Variants in TSNARE1 observed in about 807,000 individuals in gnomAD.
TSNARE1 encodes t-SNARE domain containing 1.
TSNARE1 carries 49 observed loss-of-function variants against 62.0 expected under a neutral mutation model. The observed-to-expected ratio is 0.79, with a 90% CI of 0.63 to 1.00. TSNARE1 has a LOEUF of 1.00. TSNARE1 is among the 50% of genes least tolerant of loss of function. TSNARE1 has a pLI of 0.00. For missense variants in TSNARE1, 755 were observed against 700.1 expected (o/e 1.08, Z -0.88); for synonymous variants, 328 against 294.4 (o/e 1.11, Z -1.17).
intron 6 of TSNARE1, among the ~76,000 whole-genome samples, chr8:142,330,198 G>T (rs1830813450): frequency 6.6e-6 from 1 of 152,220 alleles, no homozygotes; most frequent in African/African-American, 2.4e-5. Context: ...TGCAGTGGGG[G>T]CCAGCTGGAG....
intron 12 of TSNARE1, chr8:142,270,620 C>T (rs1446362475): frequency 8.1e-6 from 8 of 985,194 alleles, no homozygotes; most frequent in East Asian, 2.3e-4. Context: ...TGCATGCCCA[C>T]CAAAGGGACA....
chr8:142,324,644 G>C (rs1229241084), intron 6 of TSNARE1, among the ~76,000 whole-genome samples: 6 of 152,246 alleles, frequency 3.9e-5, no homozygotes, highest in Non-Finnish European at 4.4e-5. Context: ...GTGTTTTACA[G>C]ACGAAGACAC....
intron 2 of TSNARE1, among the ~76,000 whole-genome samples, chr8:142,351,940 T>C (rs1041475076): frequency 6.6e-6 from 1 of 152,244 alleles, no homozygotes; most frequent in African/African-American, 2.4e-5. Flanking sequence ...ATTACAGTCT[T>C]AAATATGAAA....
intron 2 of TSNARE1, among the ~76,000 whole-genome samples, chr8:142,349,297 A>C (rs1263459378): frequency 6.6e-6 from 1 of 152,268 alleles, no homozygotes; most frequent in East Asian, 1.9e-4. Flanking sequence ...TGGAAAGTTA[A>C]AGATATTTAG....
At chr8:142,391,176 G>A (rs558874776) in intron 1 of TSNARE1, among the ~76,000 whole-genome samples, 2 of 137,248 alleles carry the variant, frequency 1.5e-5, no homozygotes, top group Admixed American at 7.4e-5. Context: ...TGTAACAGAC[G>A]CTGTACACTG....
At chr8:142,267,581 T>C (rs969121227) in intron 12 of TSNARE1, among the ~76,000 whole-genome samples, 4 of 152,178 alleles carry the variant, frequency 2.6e-5, no homozygotes, top group African/African-American at 9.7e-5. Flanking sequence ...AATACCACCC[T>C]GGGCTCTCAG....
At chr8:142,236,087 G>T (rs1817404950) in intron 12 of TSNARE1, among the ~76,000 whole-genome samples, 1 of 152,216 alleles carries the variant, frequency 6.6e-6, no homozygotes, top group African/African-American at 2.4e-5. Context: ...TCACCGCGTG[G>T]CCATGAGGCT....
chr8:142,398,928 C>G (rs1199977087), intron 1 of TSNARE1, among the ~76,000 whole-genome samples: 2 of 152,206 alleles, frequency 1.3e-5, no homozygotes, highest in Non-Finnish European at 2.9e-5. Context: ...CCACCTTCAC[C>G]CCCATCCCAG....
chr8:142,260,697 G>A (rs1406681038), intron 12 of TSNARE1, among the ~76,000 whole-genome samples: 6 of 151,848 alleles, frequency 4.0e-5, no homozygotes, highest in South Asian at 2.1e-4. Flanking sequence ...AGATCCTGAC[G>A]CCCCAGCCTC....
Position 142,330,976 on chromosome 8 carries a change from CGA to C in TSNARE1, c.824-8_824-7del. 1.9e-6 allele frequency: 3 copies of C among 1,613,816 alleles called. No homozygotes were observed. The highest frequency in any genetic ancestry group is 2.5e-6 in the Non-Finnish European group (3 of 1,179,872). ...GCTCCGCTCCAAGGAGGTCACTGCCCGAGAGAAGAGGGACAGGGTGAGGGCAG... is the reference window on the plus strand; with the variant it reads ...GCTCCGCTCCAAGGAGGTCACTGCCCGAGAAGAGGGACAGGGTGAGGGCAG... On this transcript the variant is annotated splice_polypyrimidine_tract_variant and splice_region_variant and intron_variant, in intron 5 of 13. Coordinates refer to ENST00000524325, the MANE Select transcript of TSNARE1 (RefSeq NM_145003.5).
chr8:142,400,888 G>A (rs1838239861), intron 1 of TSNARE1, among the ~76,000 whole-genome samples: 1 of 152,222 alleles, frequency 6.6e-6, no homozygotes, highest in African/African-American at 2.4e-5. Context: ...CTCCCAGGGT[G>A]ACTGTGAGAG....
intron 12 of TSNARE1, among the ~76,000 whole-genome samples, chr8:142,242,359 G>T (rs183311218): frequency 9.2e-5 from 14 of 152,362 alleles, no homozygotes; most frequent in African/African-American, 3.1e-4. Flanking sequence ...TCTTGGTAAA[G>T]ATTTGTTAGA....
chr8:142,363,846 C>A (rs781664292), intron 1 of TSNARE1, among the ~76,000 whole-genome samples: 4 of 152,108 alleles, frequency 2.6e-5, no homozygotes, highest in Non-Finnish European at 5.9e-5. Flanking sequence ...GACCGGGATA[C>A]CCAATAGATG....
chr8:142,322,713 C>T (rs78327102), intron 6 of TSNARE1, among the ~76,000 whole-genome samples: 4,542 of 152,112 alleles, frequency 0.03, 247 homozygotes, highest in African/African-American at 0.1. Context: ...CCAGCTTGGC[C>T]GTGCCTGTGG....
chr8:142,279,753 G>T, intron 11 of TSNARE1: 4 of 472,080 alleles, frequency 8.5e-6, no homozygotes, highest in Non-Finnish European at 1.1e-5. Flanking sequence ...CCCTCGGAGG[G>T]TCTCCCTCTT....
chr8:142,312,533 T>C (rs941621363), intron 9 of TSNARE1, among the ~76,000 whole-genome samples: 4 of 152,170 alleles, frequency 2.6e-5, no homozygotes, highest in African/African-American at 9.6e-5. Flanking sequence ...CAAGCAGAAC[T>C]TGTGTTTACA....
At chr8:142,301,922 AGACACACAT>A (rs919766884) in intron 9 of TSNARE1, among the ~76,000 whole-genome samples, 3 of 152,238 alleles carry the variant, frequency 2.0e-5, no homozygotes, top group African/African-American at 7.2e-5. Flanking sequence ...GCCTGCCCTC[AGACACACAT>A]CAAGGTTCGG....
In TSNARE1 at chr8:142,223,027, C is replaced by CTCATTCACTCACTCAT. The variant is rs1465134331; in HGVS notation, c.*11+6445_*11+6446insATGAGTGAGTGAATGA. ...ACTCATTTACTCACTCACTCAGCCACTCACTCATTCACTCACTCACTCATT... is the reference window on the plus strand; with the variant it reads ...ACTCATTTACTCACTCACTCAGCCACTCATTCACTCACTCATTCACTCATTCACTCACTCACTCATT... On this transcript the variant is annotated intron_variant, in intron 13 of 13. Transcript: ENST00000524325. Among the ~76,000 whole-genome samples, 105 of 47,994 alleles carry CTCATTCACTCACTCAT rather than the reference C, an allele frequency of 2.2e-3. 4 individuals are homozygous for CTCATTCACTCACTCAT. The highest frequency in any genetic ancestry group is 0.013 in the Middle Eastern group (2 of 156). 31.5% of individuals were successfully genotyped at this position (47,994 alleles called of 152,430 possible).
At position 142,228,384 on chromosome 8, in the gene TSNARE1, G is replaced by A. The variant is rs1002406334; in HGVS notation, c.*11+1089C>T. Among the ~76,000 whole-genome samples the A allele has an allele frequency of 9.2e-5, 14 of 152,188 alleles. 1 individual carries two copies. The highest frequency in any genetic ancestry group is 9.2e-4 in the Admixed American group (14 of 15,290). On this transcript the variant is annotated intron_variant, in intron 13 of 13. Coordinates refer to ENST00000524325, the MANE Select transcript of TSNARE1 (RefSeq NM_145003.5). ...CAGCCCTGCCCGGCTGCAGCCCAGGGCCCTGTGCCCTGGGGACAGCCATGC... is the reference window on the plus strand; with the variant it reads ...CAGCCCTGCCCGGCTGCAGCCCAGGACCCTGTGCCCTGGGGACAGCCATGC...
Sources: allele counts gnomAD v4.1 joint callset (sites outside exome capture counted in the v4.1 genomes callset), GRCh38; gene constraint gnomAD v4.1.1; transcripts MANE v1.5; gene names NCBI Gene and HGNC (gene_info 2026-07-23, HGNC 2026-07-21).